Variants in FZD6 observed in about 807,000 individuals in gnomAD.
FZD6 encodes the protein frizzled class receptor 6.
FZD6 carries 49 observed loss-of-function variants against 61.4 expected under a neutral mutation model. That is an observed-to-expected ratio of 0.80 (90% CI 0.63 to 1.01). The LOEUF is 1.01. Among genes scored for constraint, FZD6 ranks in the 50% least tolerant of loss-of-function variants. FZD6 has a pLI of 0.00. For synonymous variants in FZD6, 265 were observed against 292.2 expected, an observed-to-expected ratio of 0.91 and a Z score of 0.95; for missense variants, 724 against 848.2, an observed-to-expected ratio of 0.85 and a Z score of 1.82.
intron 2 of FZD6, among the ~76,000 whole-genome samples, chr8:103,315,672 G>T (rs758739878): frequency 2.6e-5 from 4 of 152,202 alleles, no homozygotes. Context: ...ACTTCTGGTG[G>T]TGAGGGATAC....
At chr8:103,304,646 G>A (rs779912487) in intron 2 of FZD6, among the ~76,000 whole-genome samples, 1 of 152,206 alleles carries the variant, frequency 6.6e-6, no homozygotes, top group African/African-American at 2.4e-5. Flanking sequence ...ACAAATGAGT[G>A]TGGCTGTGTC....
In FZD6 at chr8:103,324,876, G is replaced by T; in HGVS notation, c.770G>T (p.Ser257Ile). 6.2e-7 allele frequency: 1 copy of T among 1,613,974 alleles called. No individual in the cohort carries two copies. Among genetic ancestry groups the T allele is most frequent in the Middle Eastern group, 1.6e-4 (1 of 6,062 alleles). Residue 257 changes from serine (S) to isoleucine (I), a missense_variant, in exon 4 of 7, where the codon AGC (serine) becomes ATC (isoleucine). Physicochemically the swap from Ser to Ile is moderately radical, Grantham distance 142. Transcript: ENST00000358755. Reference protein sequence around the residue: ...MYFIGFLLGDSTACNKADEKL... With the variant: ...MYFIGFLLGDITACNKADEKL... The stretch of plus-strand genomic sequence containing the variant: ...TTCATTGGATTTTTGCTAGGCGATA[G>T]CACAGCCTGCAATAAGGCAGATGAG...
At chr8:103,323,631 A>G (rs1330660638) in intron 3 of FZD6, among the ~76,000 whole-genome samples, 1 of 152,078 alleles carries the variant, frequency 6.6e-6, no homozygotes, top group African/African-American at 2.4e-5. Flanking sequence ...GGGTTTCGCC[A>G]TGTTGGCCAG....
At chr8:103,299,241 G>A (rs779762210) in intron 1 of FZD6, among the ~76,000 whole-genome samples, 2 of 152,234 alleles carry the variant, frequency 1.3e-5, no homozygotes, top group Admixed American at 6.5e-5. Context: ...CTAGGCCTGG[G>A]GCAGGTTCCC....
At chr8:103,330,883 T>TAAAC (rs1304908080) in intron 6 of FZD6, among the ~76,000 whole-genome samples, 3 of 152,180 alleles carry the variant, frequency 2.0e-5, no homozygotes, top group Non-Finnish European at 4.4e-5. Flanking sequence ...AATTATATTT[T>TAAAC]AAACAATTAT....
chr8:103,303,183 T>C (rs1814220513), intron 2 of FZD6, among the ~76,000 whole-genome samples: 1 of 152,166 alleles, frequency 6.6e-6, no homozygotes, highest in Non-Finnish European at 1.5e-5. Context: ...TCTCTCATCT[T>C]GTACCTTCCC....
rs756849567 is a variant in FZD6 at position 103,325,407 on chromosome 8, G to T, written c.1301G>T (p.Cys434Phe). 4.2e-5 allele frequency: 68 copies of T among 1,613,460 alleles called. No homozygotes were observed. The highest frequency in any genetic ancestry group is 5.5e-5 in the Non-Finnish European group (65 of 1,179,502). Residue 434 changes from cysteine to phenylalanine, a missense_variant, in exon 4 of 7, where the codon TGT becomes TTT. Physicochemically the swap from Cys to Phe is radical, Grantham distance 205. Transcript: ENST00000358755. Reference sequence around the variant, plus strand: ...GTGCCATTAGTGACACTTCTCGGATGTTACGTCTATGAGCAAGTGAACAGG... The same window carrying T: ...GTGCCATTAGTGACACTTCTCGGATTTTACGTCTATGAGCAAGTGAACAGG... ...YLVPLVTLLG[C>F]YVYEQVNRIT...
chr8:103,299,424 T>A (rs1349866083), intron 1 of FZD6, among the ~76,000 whole-genome samples: 3 of 152,208 alleles, frequency 2.0e-5, no homozygotes, highest in Admixed American at 6.5e-5. Flanking sequence ...CAGTGAAAAC[T>A]GCAATGTTGC....
chr8:103,311,427 T>C (rs1814492888), intron 2 of FZD6, among the ~76,000 whole-genome samples: 1 of 152,102 alleles, frequency 6.6e-6, no homozygotes, highest in Non-Finnish European at 1.5e-5. Context: ...AAATATTCAC[T>C]CTAGAGCACA....
At chr8:103,314,892 TG>T (rs1436278716) in intron 2 of FZD6, among the ~76,000 whole-genome samples, 2 of 152,246 alleles carry the variant, frequency 1.3e-5, no homozygotes, top group African/African-American at 4.8e-5. Flanking sequence ...ATTTTTAAGG[TG>T]TATACAGTGC....
chr8:103,314,255 A>G (rs140531555), intron 2 of FZD6, among the ~76,000 whole-genome samples: 61 of 152,334 alleles, frequency 4.0e-4, no homozygotes, highest in Admixed American at 5.9e-4. Context: ...CCACCAGTTA[A>G]TCATGGCTTC....
intron 4 of FZD6, among the ~76,000 whole-genome samples, chr8:103,327,372 A>G (rs1814981444): frequency 6.6e-6 from 1 of 152,220 alleles, no homozygotes; most frequent in Admixed American, 6.5e-5. Flanking sequence ...AGGAGGGCGG[A>G]TTGCCTGAGC....
intron 2 of FZD6, among the ~76,000 whole-genome samples, chr8:103,313,383 G>A (rs1010327285): frequency 2.0e-5 from 3 of 152,288 alleles, no homozygotes; most frequent in African/African-American, 7.2e-5. Flanking sequence ...ATTGGCTTCA[G>A]TTTTCTCACT....
Position 103,298,936 on chromosome 8 carries a change from G to T in FZD6, c.-212G>T, listed in dbSNP as rs1204116956. Reference sequence around the variant, plus strand: ...ACCCCGGAGCCGTCTCAGGTCCCTGGGGGGAACGGTGGGTTAGACGGGGAC... The same window carrying T: ...ACCCCGGAGCCGTCTCAGGTCCCTGTGGGGAACGGTGGGTTAGACGGGGAC... On this transcript the variant is annotated 5_prime_UTR_variant, in exon 1 of 7. Transcript: ENST00000358755. 6.5e-6 allele frequency: 1 copy of T among 153,290 alleles called. No homozygotes were observed. The highest frequency in any genetic ancestry group is 1.5e-5 in the Non-Finnish European group (1 of 68,552). The allele number at this position is 153,290 out of a possible 1,614,324, so 9.5% of individuals were successfully genotyped here. A position where few individuals can be genotyped will look rare whatever the true frequency, so the allele number is the denominator to read the frequency against.
intron 3 of FZD6, 109 bp from the exon 4 acceptor site, chr8:103,324,372 A>G: frequency 3.1e-6 from 2 of 654,384 alleles, no homozygotes; most frequent in Non-Finnish European, 5.1e-6. Flanking sequence ...ATCTCTTCCC[A>G]TCAATCATGA....
chr8:103,299,986 C>A lies in FZD6; in HGVS notation c.-122C>A. On this transcript the variant is annotated 5_prime_UTR_variant, in exon 2 of 7. Coordinates refer to ENST00000358755, the MANE Select transcript of FZD6 (RefSeq NM_003506.4). ...GACCCAGGACTCATTTTCAGGAAAGCCTGAAAATGAGTAAAATAGTGAAAT... is the reference window on the plus strand; with the variant it reads ...GACCCAGGACTCATTTTCAGGAAAGACTGAAAATGAGTAAAATAGTGAAAT... 1 of 710,682 alleles carries A rather than the reference C, an allele frequency of 1.4e-6. No individual in the cohort carries two copies. The highest frequency in any genetic ancestry group is 2.5e-6 in the Non-Finnish European group (1 of 393,884). 44.0% of individuals were successfully genotyped at this position (710,682 alleles called of 1,614,324 possible).
chr8:103,299,305 T>TCGTAATC (rs1814076043), intron 1 of FZD6, among the ~76,000 whole-genome samples: 1 of 152,212 alleles, frequency 6.6e-6, no homozygotes, highest in South Asian at 2.1e-4. Flanking sequence ...CGCGGGTAAT[T>TCGTAATC]CGTAATCCGG....
At position 103,325,006 on chromosome 8, in the gene FZD6, G is replaced by C; in HGVS notation, c.900G>C (p.Trp300Cys). 6.2e-7 allele frequency: 1 copy of C among 1,614,060 alleles called. No homozygotes were observed. Among genetic ancestry groups the C allele is most frequent in the Non-Finnish European group, 8.5e-7 (1 of 1,179,976 alleles). The change falls in exon 4 of 7, where the codon TGG (tryptophan) becomes TGC (cysteine). Residue 300 changes from tryptophan (W) to cysteine (C), a missense_variant. By Grantham distance (215) the Trp-to-Cys change is radical (BLOSUM62 -2). Coordinates refer to ENST00000358755, the MANE Select transcript of FZD6 (RefSeq NM_003506.4). Reference protein sequence around the residue: ...YFFTMAGTVWWVILTITWFLA... With the variant: ...YFFTMAGTVWCVILTITWFLA... ...TCACAATGGCTGGCACTGTGTGGTGGGTGATTCTTACCATTACTTGGTTCT... is the reference window on the plus strand; with the variant it reads ...TCACAATGGCTGGCACTGTGTGGTGCGTGATTCTTACCATTACTTGGTTCT...
At chr8:103,319,296 A>G (rs779820532) in intron 3 of FZD6, among the ~76,000 whole-genome samples, 2 of 152,226 alleles carry the variant, frequency 1.3e-5, no homozygotes, top group East Asian at 3.8e-4. Flanking sequence ...CAGGGAATTC[A>G]AAAGCTAGTA....
Sources: gnomAD v4.1 joint callset for allele counts (sites outside exome capture counted in the v4.1 genomes callset) on GRCh38, gnomAD v4.1.1 for gene constraint, MANE v1.5 for transcripts, NCBI Gene and HGNC (gene_info 2026-07-23, HGNC 2026-07-21) for gene names.